AUTS2: variants seen among roughly 807,000 people sequenced by gnomAD.
The protein encoded by AUTS2 is activator of transcription and developmental regulator AUTS2.
A neutral mutation model predicts 112.4 loss-of-function variants in AUTS2; 17 were observed. The observed-to-expected ratio is 0.15, with a 90% CI of 0.10 to 0.23. The LOEUF (loss-of-function observed/expected upper bound fraction) is 0.23, where lower values mean the gene tolerates loss of function less well. AUTS2 is among the 10% of genes least tolerant of loss of function. The probability of loss-of-function intolerance (pLI) is 1.00; values close to 1 mark genes in which losing one functional copy is unlikely to be tolerated. For missense variants in AUTS2, 1,510 were observed against 1,701.6 expected (o/e 0.89, Z 1.98); for synonymous variants, 751 against 702.7 (o/e 1.07, Z -1.09).
At chr7:69,971,297 C>A (rs1797839788) in intron 2 of AUTS2, among the ~76,000 whole-genome samples, 1 of 152,114 alleles carries the variant, frequency 6.6e-6, no homozygotes, top group Non-Finnish European at 1.5e-5. Flanking sequence ...TGACCTTGGG[C>A]AATATATTGA....
At chr7:70,656,981 T>C (rs1316384934) in intron 5 of AUTS2, among the ~76,000 whole-genome samples, 1 of 152,190 alleles carries the variant, frequency 6.6e-6, no homozygotes, top group Non-Finnish European at 1.5e-5. Context: ...GTTTTAGAGA[T>C]GAGGAAGAGA....
chr7:69,908,526 G>A (rs995678418), intron 2 of AUTS2, among the ~76,000 whole-genome samples: 4 of 152,334 alleles, frequency 2.6e-5, no homozygotes, highest in Non-Finnish European at 5.9e-5. Context: ...GGCAAGTCCT[G>A]TGGGGGACCA....
intron 4 of AUTS2, among the ~76,000 whole-genome samples, chr7:70,276,991 GGGC>G (rs1248061850): frequency 1.3e-5 from 2 of 152,218 alleles, no homozygotes; most frequent in Non-Finnish European, 2.9e-5. Context: ...GATAGCAACA[GGGC>G]ATTCTTGGAA....
chr7:70,699,014 T>C (rs75400106), intron 6 of AUTS2: 3,986 of 159,218 alleles, frequency 0.025, 203 homozygotes, highest in African/African-American at 0.088. Flanking sequence ...TGTTTAGAAT[T>C]CACAGTATTA....
intron 2 of AUTS2, among the ~76,000 whole-genome samples, chr7:70,016,454 A>T (rs1395137806): frequency 6.6e-6 from 1 of 152,040 alleles, no homozygotes; most frequent in Non-Finnish European, 1.5e-5. Context: ...GGTGATTCTG[A>T]AGATAAACCC....
chr7:69,841,910 C>T (rs1791997448), intron 1 of AUTS2, among the ~76,000 whole-genome samples: 1 of 152,128 alleles, frequency 6.6e-6, no homozygotes, highest in African/African-American at 2.4e-5. Flanking sequence ...TTAAGTATTT[C>T]ATGAAAGTAT....
chr7:70,791,295 A>ATAAT lies in AUTS2; in HGVS notation c.*301_*304dup, dbSNP rs1791942278. ...GATGACAACACACACCAATTGGATG[A>ATAAT]TAATTGTAGCGGGGGCGGTGGGGGG... On this transcript the variant is annotated 3_prime_UTR_variant, in exon 19 of 19. Transcript: ENST00000342771. The ATAAT allele has an allele frequency of 5.4e-6, 1 of 183,862 alleles. No individual in the cohort carries two copies. The highest frequency in any genetic ancestry group is 6.6e-5 in the Admixed American group (1 of 15,154). 11.4% of individuals were successfully genotyped at this position (183,862 alleles called of 1,614,324 possible). A position where few individuals can be genotyped will look rare whatever the true frequency, so the allele number is the denominator to read the frequency against.
At chr7:69,992,733 A>G (rs1798788468) in intron 2 of AUTS2, among the ~76,000 whole-genome samples, 1 of 151,988 alleles carries the variant, frequency 6.6e-6, no homozygotes. Flanking sequence ...AAAAATGAAA[A>G]CATAAGCCAG....
intron 5 of AUTS2, among the ~76,000 whole-genome samples, chr7:70,480,089 GC>G (rs1291326888): frequency 5.3e-5 from 8 of 152,202 alleles, no homozygotes; most frequent in African/African-American, 1.9e-4. Context: ...CAAGAAACAG[GC>G]CAGATTATCT....
intron 1 of AUTS2, among the ~76,000 whole-genome samples, chr7:69,614,376 G>GCTTTCTTTTCTTTCTTTCTTTCT (rs769423577): frequency 6.2e-5 from 4 of 64,190 alleles, no homozygotes; most frequent in Admixed American, 3.2e-4. Flanking sequence ...TTTTTTAAGA[G>GCTTTCTTTTCTTTCTTTCTTTCT]ATGGGATCTC....
chr7:70,041,282 A>G (rs1801235077), intron 2 of AUTS2, among the ~76,000 whole-genome samples: 1 of 152,204 alleles, frequency 6.6e-6, no homozygotes, highest in Non-Finnish European at 1.5e-5. Flanking sequence ...CATAAAATAT[A>G]CTAATTTTAG....
At chr7:69,692,958 G>A (rs958155419) in intron 1 of AUTS2, among the ~76,000 whole-genome samples, 4 of 152,160 alleles carry the variant, frequency 2.6e-5, no homozygotes, top group South Asian at 2.1e-4. Flanking sequence ...TTATAAACAC[G>A]CTAGAACTTT....
rs748869476 is a variant in AUTS2 at position 70,533,374 on chromosome 7, G to A, written c.690+97593G>A. The stretch of plus-strand genomic sequence containing the variant: ...CGCGATCCTCACACCTGACCCTCCC[G>A]GAGTGATGGGATTATAGGCGTGAGG... On this transcript the variant is annotated intron_variant, in intron 5 of 18. Coordinates refer to ENST00000342771, the MANE Select transcript of AUTS2 (RefSeq NM_015570.4). Among the ~76,000 whole-genome samples the A allele has an allele frequency of 5.2e-4, 79 of 152,062 alleles. 2 individuals are homozygous for A. The highest frequency in any genetic ancestry group is 1.7e-4 in the African/African-American group (7 of 41,408).
rs75810443 is a variant in AUTS2 at position 69,701,961 on chromosome 7, C to T, written c.309+101999C>T. Among the ~76,000 whole-genome samples the T allele has an allele frequency of 3.0e-3, 453 of 152,264 alleles. 3 individuals carry two copies. Among genetic ancestry groups the T allele is most frequent in the African/African-American group, 0.01 (430 of 41,538 alleles). On this transcript the variant is annotated intron_variant, in intron 1 of 18. Coordinates refer to ENST00000342771, the MANE Select transcript of AUTS2 (RefSeq NM_015570.4). ...GAAGAGTATGTCGGCAAAAGAGAAA[C>T]CTGGAATAGTTGCCAATTGTCCCTA...
At chr7:69,890,328 TTTG>T (rs1794465551) in intron 1 of AUTS2, among the ~76,000 whole-genome samples, 1 of 152,174 alleles carries the variant, frequency 6.6e-6, no homozygotes. Flanking sequence ...AGTGTGTGGT[TTTG>T]TTTTCTTTTT....
chr7:70,532,689 T>G (rs1046342040), intron 5 of AUTS2, among the ~76,000 whole-genome samples: 18 of 152,230 alleles, frequency 1.2e-4, no homozygotes, highest in African/African-American at 4.3e-4. Flanking sequence ...TCACCTTGCC[T>G]TCTTCCTTCT....
At position 70,694,801 on chromosome 7, in the gene AUTS2, G is replaced by T. The variant is rs1287168501; in HGVS notation, c.691-3768G>T. Reference sequence around the variant, plus strand: ...GCGCTGGATGTGTGCGCGCGGCGCCGGCTCTCGGTCGCCCCGAAGCTGTTG... The same window carrying T: ...GCGCTGGATGTGTGCGCGCGGCGCCTGCTCTCGGTCGCCCCGAAGCTGTTG... On this transcript the variant is annotated intron_variant, in intron 5 of 18. Coordinates refer to ENST00000342771, the MANE Select transcript of AUTS2 (RefSeq NM_015570.4). The surrounding 1 kb of genome is among the most constrained non-coding windows in gnomAD (Gnocchi z 4.1). 2 of 151,196 alleles carry T rather than the reference G, an allele frequency of 1.3e-5. No individual in the cohort carries two copies. The highest frequency in any genetic ancestry group is 3.0e-5 in the Non-Finnish European group (2 of 67,644). 9.4% of individuals were successfully genotyped at this position (151,196 alleles called of 1,614,324 possible).
intron 4 of AUTS2, among the ~76,000 whole-genome samples, chr7:70,276,776 G>A (rs1787948951): frequency 6.6e-6 from 1 of 152,110 alleles, no homozygotes; most frequent in Admixed American, 6.5e-5. Flanking sequence ...TTATTCTATG[G>A]ATTGACTAAG....
rs766175457 is a variant in AUTS2, at chr7:70,790,887, T to A, written c.3671T>A (p.Ile1224Asn). 6.3e-7 allele frequency: 1 copy of A among 1,599,950 alleles called. No homozygotes were observed. The highest frequency in any genetic ancestry group is 2.2e-5 in the East Asian group (1 of 44,738). ...GCGCTGAGCGCACCTCCCCCGCTCA[T>A]CTCCACGCTGGGGGGCCGCCCGGTC... ...TAALSAPPPL[I>N]STLGGRPVSP... Residue 1224 changes from isoleucine (I) to asparagine (N), a missense_variant, in exon 19 of 19, where the codon ATC becomes AAC. Physicochemically the swap from Ile to Asn is moderately radical, Grantham distance 149 (BLOSUM62 -3). This residue lies in a region of AUTS2 where 788 missense variants were observed against 797.6 expected (regional missense o/e 0.99). Coordinates refer to ENST00000342771, the MANE Select transcript of AUTS2 (RefSeq NM_015570.4). The surrounding 1 kb of genome is among the most constrained non-coding windows in gnomAD (Gnocchi z 7.6).
Sources: allele counts gnomAD v4.1 joint callset (sites outside exome capture counted in the v4.1 genomes callset), GRCh38; gene constraint gnomAD v4.1.1; regional missense constraint gnomAD v4.1.1; non-coding constraint Gnocchi (gnomAD v3.1); transcripts MANE v1.5; gene names NCBI Gene and HGNC (gene_info 2026-07-23, HGNC 2026-07-21).